SDK1: variants seen among roughly 807,000 people sequenced by gnomAD.
SDK1 encodes protein sidekick-1.
Under a neutral mutation model 245.5 loss-of-function variants are expected in SDK1, and 157 were observed. That is an observed-to-expected ratio of 0.64 (90% confidence interval 0.56 to 0.73). The LOEUF (loss-of-function observed/expected upper bound fraction) is 0.73, where lower values mean the gene tolerates loss of function less well. Among genes scored for constraint, SDK1 ranks in the 30% least tolerant of loss-of-function variants. SDK1 has a pLI of 0.00. For synonymous variants in SDK1, 1,647 were observed against 1,278.5 expected, an observed-to-expected ratio of 1.29 and a Z score of -6.15; for missense variants, 3,583 against 3,002.3, an observed-to-expected ratio of 1.19 and a Z score of -4.52.
chr7:4,172,750 T>G (rs1310651975), intron 32 of SDK1, among the ~76,000 whole-genome samples: 1 of 152,146 alleles, frequency 6.6e-6, no homozygotes, highest in Admixed American at 6.5e-5. Context: ...CTCTTCCAGC[T>G]TCCGGTGGCC....
intron 1 of SDK1, among the ~76,000 whole-genome samples, chr7:3,457,396 C>T (rs978320323): frequency 3.9e-5 from 6 of 152,204 alleles, no homozygotes; most frequent in Non-Finnish European, 7.4e-5. Context: ...CTTTCCCGAG[C>T]CAATCCCCAC....
chr7:4,198,874 C>G (rs947870009), intron 35 of SDK1, among the ~76,000 whole-genome samples: 1 of 149,882 alleles, frequency 6.7e-6, no homozygotes, highest in Non-Finnish European at 1.5e-5. Flanking sequence ...AGTGCAGTGG[C>G]GTGATCTCGG....
intron 35 of SDK1, among the ~76,000 whole-genome samples, chr7:4,184,175 C>T (rs769889778): frequency 1.3e-5 from 2 of 152,242 alleles, no homozygotes; most frequent in Non-Finnish European, 2.9e-5. Context: ...TAAATTGGGC[C>T]AGCTTCCGTC....
Position 4,266,175 on chromosome 7 carries a change from C to T in SDK1, c.*791C>T. On this transcript the variant is annotated 3_prime_UTR_variant, in exon 45 of 45. Transcript: ENST00000404826. ...CCCCGAACACAGCACACGGTCAACT[C>T]CGCGGGACACGAGGACACGGGACGG... 4.1e-6 allele frequency: 4 copies of T among 985,504 alleles called. No individual in the cohort carries two copies. The highest frequency in any genetic ancestry group is 4.8e-6 in the Non-Finnish European group (4 of 829,952). 61.0% of individuals were successfully genotyped at this position (985,504 alleles called of 1,614,324 possible). A position where few individuals can be genotyped will look rare whatever the true frequency, so the allele number is the denominator to read the frequency against.
At chr7:3,972,646 G>A (rs1455517120) in intron 12 of SDK1, among the ~76,000 whole-genome samples, 1 of 152,204 alleles carries the variant, frequency 6.6e-6, no homozygotes, top group East Asian at 1.9e-4. Context: ...CGAATGGGCA[G>A]ACTACTCAAG....
At chr7:4,095,425 C>T (rs1782086084) in intron 22 of SDK1, among the ~76,000 whole-genome samples, 1 of 152,218 alleles carries the variant, frequency 6.6e-6, no homozygotes, top group African/African-American at 2.4e-5. Flanking sequence ...TGAAAAACAA[C>T]TCAGGGACAT....
intron 28 of SDK1, among the ~76,000 whole-genome samples, chr7:4,140,730 T>C (rs1299453851): frequency 1.3e-5 from 2 of 152,116 alleles, no homozygotes; most frequent in Admixed American, 1.3e-4. Context: ...CTGGGGAATG[T>C]CATGAAGTCT....
chr7:3,509,385 T>TTA (rs1782502742), intron 1 of SDK1, among the ~76,000 whole-genome samples: 1 of 152,154 alleles, frequency 6.6e-6, no homozygotes, highest in African/African-American at 2.4e-5. Flanking sequence ...GCAAATACCG[T>TTA]TACTTTTCTG....
chr7:3,919,628 A>G lies in SDK1; in HGVS notation c.848-31295A>G, dbSNP rs147402991. Among the ~76,000 whole-genome samples, 44 of 152,336 alleles carry G rather than the reference A, an allele frequency of 2.9e-4. No homozygotes were observed. In the East Asian group the frequency reaches 6.9e-3, roughly 24 times the overall value. On this transcript the variant is annotated intron_variant, in intron 5 of 44. Transcript: ENST00000404826. ...TTTGTGCTCCATAGAATCTATTTCA[A>G]TGGAGCACCGGCTCTTAGAGCGCTT... is the stretch of plus-strand genomic sequence containing the variant.
chr7:3,675,454 T>A (rs1308380430), intron 4 of SDK1, among the ~76,000 whole-genome samples: 3 of 152,202 alleles, frequency 2.0e-5, no homozygotes, highest in African/African-American at 7.2e-5. Flanking sequence ...AATCAGAAAT[T>A]TCCAGTTTCC....
chr7:4,139,717 GTGTA>G (rs369813610), intron 28 of SDK1, among the ~76,000 whole-genome samples: 3 of 34,972 alleles, frequency 8.6e-5, no homozygotes, highest in African/African-American at 1.7e-4. Flanking sequence ...GTGTGTGTGT[GTGTA>G]TGTGTGTGTG....
intron 14 of SDK1, among the ~76,000 whole-genome samples, chr7:4,006,398 C>T (rs140468670): frequency 3.9e-4 from 59 of 152,318 alleles, no homozygotes; most frequent in Non-Finnish European, 7.2e-4. Flanking sequence ...GGGATGGTTT[C>T]CTTTATCAAA....
chr7:4,200,172 C>T (rs1007563885), intron 35 of SDK1, among the ~76,000 whole-genome samples: 1 of 152,202 alleles, frequency 6.6e-6, no homozygotes, highest in Non-Finnish European at 1.5e-5. Flanking sequence ...AGAGCCAGGT[C>T]TGGGTGTGTG....
rs1353127534 is a variant in SDK1 at position 3,682,195 on chromosome 7, G to T, written c.713+40090G>T. Among the ~76,000 whole-genome samples, 3 of 152,256 alleles carry T rather than the reference G, an allele frequency of 2.0e-5. No homozygotes were observed. In the East Asian group the frequency reaches 5.8e-4, roughly 29 times the overall value. On this transcript the variant is annotated intron_variant, in intron 4 of 44. Transcript: ENST00000404826. ...CTCTGTGAGATGATAGGCAACCCAG[G>T]TATTATTATACCCATTTCACAGATG...
chr7:3,437,253 T>C (rs1439152147), intron 1 of SDK1, among the ~76,000 whole-genome samples: 1 of 152,194 alleles, frequency 6.6e-6, no homozygotes, highest in African/African-American at 2.4e-5. Context: ...TTTTTTTCTC[T>C]TAAAAAGTCT....
At position 3,623,544 on chromosome 7, in the gene SDK1, A is replaced by G. The variant is rs368941812; in HGVS notation, c.458+4305A>G. ...GTGTGAGCCGCTGCACCCGGCCTCA[A>G]ATGTTACATTTCATATTGATGCTCA... On this transcript the variant is annotated intron_variant, in intron 2 of 44. Coordinates refer to ENST00000404826, the MANE Select transcript of SDK1 (RefSeq NM_152744.4). Among the ~76,000 whole-genome samples the G allele has an allele frequency of 1.6e-3, 248 of 152,210 alleles. 2 individuals carry two copies. The highest frequency in any genetic ancestry group is 5.7e-3 in the African/African-American group (238 of 41,534).
At chr7:3,820,867 T>G (rs1779626992) in intron 4 of SDK1, among the ~76,000 whole-genome samples, 1 of 152,212 alleles carries the variant, frequency 6.6e-6, no homozygotes, top group African/African-American at 2.4e-5. Context: ...TTTGCACTTC[T>G]AAGACATGGT....
At chr7:3,557,173 C>T (rs964840867) in intron 1 of SDK1, among the ~76,000 whole-genome samples, 21 of 152,074 alleles carry the variant, frequency 1.4e-4, no homozygotes, top group African/African-American at 4.8e-4. Flanking sequence ...AAACCTGGTC[C>T]TTTAAAAACT....
At chr7:4,243,064 G>A (rs1185842942) in intron 43 of SDK1, among the ~76,000 whole-genome samples, 13 of 152,190 alleles carry the variant, frequency 8.5e-5, no homozygotes, top group African/African-American at 1.9e-4. Flanking sequence ...TTTTCCTGCC[G>A]TGTAATAGAA....
Sources: allele counts gnomAD v4.1 joint callset (sites outside exome capture counted in the v4.1 genomes callset), GRCh38; gene constraint gnomAD v4.1.1; transcripts MANE v1.5; gene names NCBI Gene and HGNC (gene_info 2026-07-23, HGNC 2026-07-21).